Variants in NELL1 observed in about 807,000 individuals in gnomAD.
NELL1 encodes the protein neural EGFL like 1, also known as protein kinase C-binding protein NELL1.
NELL1 carries 76 observed loss-of-function variants against 107.4 expected under a neutral mutation model. The ratio of observed to expected loss-of-function variants is 0.71; its 90% CI spans 0.59 to 0.86. The LOEUF (loss-of-function observed/expected upper bound fraction) is 0.86, where lower values mean the gene tolerates loss of function less well. Ranked by LOEUF, NELL1 falls within the 40% of genes least tolerant of loss-of-function variation. The pLI is 0.00. For missense variants in NELL1, 1,024 were observed against 1,005.5 expected (o/e 1.02, Z -0.25); for synonymous variants, 353 against 341.2 (o/e 1.03, Z -0.38).
chr11:20,757,236 T>C (rs1240639229), intron 2 of NELL1, among the ~76,000 whole-genome samples: 1 of 152,128 alleles, frequency 6.6e-6, no homozygotes, highest in African/African-American at 2.4e-5. Flanking sequence ...ATTAATTACA[T>C]TCACAATGTT....
intron 15 of NELL1, among the ~76,000 whole-genome samples, chr11:21,480,251 C>T (rs895168586): frequency 2.6e-5 from 4 of 152,128 alleles, no homozygotes; most frequent in Admixed American, 1.3e-4. Flanking sequence ...GAACCTTTAA[C>T]TTGTAATCCC....
intron 15 of NELL1, among the ~76,000 whole-genome samples, chr11:21,412,182 TC>T (rs1295785780): frequency 6.6e-6 from 1 of 152,134 alleles, no homozygotes; most frequent in Admixed American, 6.6e-5. Flanking sequence ...GATATTTTCC[TC>T]ATTTAGTTAT....
At chr11:21,438,487 T>A (rs1484301957) in intron 15 of NELL1, among the ~76,000 whole-genome samples, 2 of 152,292 alleles carry the variant, frequency 1.3e-5, no homozygotes, top group Admixed American at 6.5e-5. Flanking sequence ...GCTTTCTGTA[T>A]CTGAATGTCT....
intron 11 of NELL1, among the ~76,000 whole-genome samples, chr11:20,956,470 C>T (rs1210095644): frequency 3.3e-5 from 5 of 151,818 alleles, no homozygotes; most frequent in African/African-American, 1.2e-4. Context: ...CACGGTGAAA[C>T]CCCGTCTCTA....
chr11:21,190,119 G>A (rs550983706), intron 13 of NELL1, among the ~76,000 whole-genome samples: 31 of 151,882 alleles, frequency 2.0e-4, no homozygotes, highest in Admixed American at 1.6e-3. Flanking sequence ...TTGGGAGGCC[G>A]AGGTGGGTGG....
At chr11:21,020,651 A>G (rs906085582) in intron 12 of NELL1, among the ~76,000 whole-genome samples, 2 of 151,932 alleles carry the variant, frequency 1.3e-5, no homozygotes, top group African/African-American at 2.4e-5. Flanking sequence ...TGTCTCCCCA[A>G]CTGGTATCAC....
chr11:21,264,338 C>G (rs1848596690), intron 14 of NELL1, among the ~76,000 whole-genome samples: 2 of 151,818 alleles, frequency 1.3e-5, no homozygotes, highest in East Asian at 1.9e-4. Context: ...CTTGTAGTTG[C>G]ATTTTGCAGA....
At chr11:20,687,296 G>A (rs1323912692) in intron 2 of NELL1, among the ~76,000 whole-genome samples, 6 of 152,006 alleles carry the variant, frequency 3.9e-5, no homozygotes, top group South Asian at 2.1e-4. Context: ...AGATATTAAT[G>A]TAGATGAGTG....
intron 14 of NELL1, among the ~76,000 whole-genome samples, chr11:21,265,944 A>G (rs1461843763): frequency 6.6e-6 from 1 of 151,972 alleles, no homozygotes; most frequent in Non-Finnish European, 1.5e-5. Context: ...ATTTTTCTAC[A>G]TAAATCCTTC....
intron 4 of NELL1, among the ~76,000 whole-genome samples, chr11:20,877,146 A>G (rs1430851660): frequency 1.3e-5 from 2 of 152,198 alleles, no homozygotes; most frequent in Admixed American, 1.3e-4. Context: ...AAATTTCTCC[A>G]AGGAGCACCT....
intron 13 of NELL1, among the ~76,000 whole-genome samples, chr11:21,179,606 C>T (rs1426471061): frequency 1.3e-5 from 2 of 151,834 alleles, no homozygotes; most frequent in African/African-American, 4.9e-5. Context: ...CTATTAACAT[C>T]TATTGGCTAA....
At chr11:21,471,862 G>T (rs891201044) in intron 15 of NELL1, among the ~76,000 whole-genome samples, 3 of 152,024 alleles carry the variant, frequency 2.0e-5, no homozygotes, top group African/African-American at 7.2e-5. Flanking sequence ...TGAAAAGCCA[G>T]TATATTTTGG....
intron 14 of NELL1, among the ~76,000 whole-genome samples, chr11:21,322,630 A>T (rs1850038795): frequency 6.6e-6 from 1 of 152,006 alleles, no homozygotes; most frequent in East Asian, 1.9e-4. Flanking sequence ...ACTATGTTTC[A>T]TTTTTGTGCA....
intron 2 of NELL1, among the ~76,000 whole-genome samples, chr11:20,715,558 C>T (rs969679030): frequency 2.0e-5 from 3 of 152,108 alleles, no homozygotes; most frequent in Admixed American, 1.3e-4. Context: ...CCCTACTTCA[C>T]GAAAGTGGAA....
At chr11:21,446,170 C>T (rs1262893115) in intron 15 of NELL1, among the ~76,000 whole-genome samples, 1 of 151,894 alleles carries the variant, frequency 6.6e-6, no homozygotes, top group Non-Finnish European at 1.5e-5. Context: ...TTTTTCAACT[C>T]CAGAATTTCT....
At chr11:21,037,550 T>G (rs1045652469) in intron 12 of NELL1, among the ~76,000 whole-genome samples, 5 of 152,214 alleles carry the variant, frequency 3.3e-5, no homozygotes, top group Non-Finnish European at 5.9e-5. Context: ...CCTAGTTTTT[T>G]ATATGCATAC....
chr11:21,290,124 C>CT (rs560839671), intron 14 of NELL1, among the ~76,000 whole-genome samples: 185 of 152,234 alleles, frequency 1.2e-3, no homozygotes, highest in African/African-American at 4.1e-3. Flanking sequence ...AATCCCAGCA[C>CT]TTTGGGAGGC....
intron 15 of NELL1, among the ~76,000 whole-genome samples, chr11:21,508,174 A>C (rs1333677003): frequency 1.3e-5 from 2 of 152,194 alleles, no homozygotes; most frequent in Non-Finnish European, 2.9e-5. Context: ...AATTATCATT[A>C]TTAGTAGTAA....
chr11:20,721,788 T>C (rs1053557054), intron 2 of NELL1, among the ~76,000 whole-genome samples: 1 of 152,042 alleles, frequency 6.6e-6, no homozygotes, highest in African/African-American at 2.4e-5. Context: ...GGGCAAAGGG[T>C]AAAGAGAAGG....
Sources: allele counts gnomAD v4.1 joint callset (sites outside exome capture counted in the v4.1 genomes callset), GRCh38; gene constraint gnomAD v4.1.1; transcripts MANE v1.5; gene names NCBI Gene and HGNC (gene_info 2026-07-23, HGNC 2026-07-21).